Variants in C1orf159 observed in about 807,000 individuals in gnomAD.
C1orf159 encodes the protein uncharacterized protein C1orf159.
C1orf159 carries 19 observed loss-of-function variants against 25.6 expected under a neutral mutation model. The ratio of observed to expected loss-of-function variants is 0.74; its 90% CI spans 0.52 to 1.09. C1orf159 has a LOEUF of 1.09. Ranked by LOEUF, C1orf159 falls within the 50% of genes least tolerant of loss-of-function variation. The pLI is 0.00. For missense variants in C1orf159, 274 were observed against 290.6 expected (o/e 0.94, Z 0.42); for synonymous variants, 139 against 124.7 (o/e 1.12, Z -0.77).
At chr1:1,111,490 G>C (rs746754481) in intron 1 of C1orf159, among the ~76,000 whole-genome samples, 1 of 151,992 alleles carries the variant, frequency 6.6e-6, no homozygotes, top group African/African-American at 2.4e-5. Flanking sequence ...AGCCATGATC[G>C]CACCACTGCA....
intron 3 of C1orf159, chr1:1,091,027 G>A (rs1645922587): frequency 1.4e-6 from 2 of 1,455,396 alleles, no homozygotes; most frequent in Admixed American, 2.0e-5. Flanking sequence ...TGACTGCGGA[G>A]TGCGGGATAG....
rs992917886 is a variant in C1orf159 at position 1,105,740 on chromosome 1, G to A, written c.-136+10320C>T. On this transcript the variant is annotated intron_variant, in intron 1 of 9. Coordinates refer to ENST00000421241, the MANE Select transcript of C1orf159 (RefSeq NM_017891.5). ...ACTTAAAACACAAAAAAATTAGCTG[G>A]GCGGGCGCCTGTAGTCCCAGCTACT... 2.4e-4 allele frequency among the ~76,000 whole-genome samples: 22 copies of A among 91,116 alleles called. No homozygotes were observed. The South Asian group carries it at 6.8e-3, about 28-fold the overall frequency. 59.8% of individuals were successfully genotyped at this position (91,116 alleles called of 152,430 possible).
At chr1:1,103,213 G>T (rs1037916583) in intron 1 of C1orf159, among the ~76,000 whole-genome samples, 1 of 152,118 alleles carries the variant, frequency 6.6e-6, no homozygotes, top group Non-Finnish European at 1.5e-5. Flanking sequence ...TGAGATTTCC[G>T]GCACTTTGTT....
In C1orf159 at chr1:1,087,157, G is replaced by A; in HGVS notation, c.292C>T (p.Pro98Ser). The part of the protein sequence containing the change: ...PFPMNRSSGT[P>S]GRPHPGAPRV... ...GACTTACCAGGATGTGGCCGCCCGG[G>A]GGTCCCTGAGCTTCTGTTCATGGGG... The change falls in exon 6 of 10, where the codon CCC (proline) becomes TCC (serine). Residue 98 changes from proline (P) to serine (S), a missense_variant. Coordinates refer to ENST00000421241, the MANE Select transcript of C1orf159 (RefSeq NM_017891.5). The surrounding 1 kb of genome is among the most constrained non-coding windows in gnomAD (Gnocchi z 8.3). 1 of 1,610,238 alleles carries A rather than the reference G, an allele frequency of 6.2e-7. No homozygotes were observed. The highest frequency in any genetic ancestry group is 8.5e-7 in the Non-Finnish European group (1 of 1,179,604).
At chr1:1,090,625 T>G in intron 3 of C1orf159, 197 bp from the exon 4 acceptor site, 1 of 697,006 alleles carries the variant, frequency 1.4e-6, no homozygotes, top group Non-Finnish European at 2.5e-6. Flanking sequence ...ACAGTGCACA[T>G]CCCTGTGGGA....
intron 7 of C1orf159, 82 bp from the exon 8 acceptor site, chr1:1,084,588 AG>A: frequency 1.3e-6 from 2 of 1,520,100 alleles, no homozygotes; most frequent in Non-Finnish European, 8.9e-7. Flanking sequence ...GGGACAGCAG[AG>A]CGAGGAGCTG....
At position 1,082,543 on chromosome 1, in the gene C1orf159, G is replaced by A; in HGVS notation, c.*350C>T. The A allele has an allele frequency of 3.0e-6, 1 of 331,962 alleles. No individual in the cohort carries two copies. The highest frequency in any genetic ancestry group is 5.7e-6 in the Non-Finnish European group (1 of 175,190). 20.6% of individuals were successfully genotyped at this position (331,962 alleles called of 1,614,324 possible). Reference sequence around the variant, plus strand: ...GGCAGCAGAGCCCCTGGCTTTTCTAGGCAGAGCGGCACCTGCCCCATAGAT... The same window carrying A: ...GGCAGCAGAGCCCCTGGCTTTTCTAAGCAGAGCGGCACCTGCCCCATAGAT... On this transcript the variant is annotated 3_prime_UTR_variant, in exon 10 of 10. Transcript: ENST00000421241.
intron 4 of C1orf159, among the ~76,000 whole-genome samples, chr1:1,088,407 C>T (rs1317721133): frequency 1.5e-5 from 2 of 135,800 alleles, no homozygotes; most frequent in African/African-American, 5.6e-5. Context: ...TTCCCTCATG[C>T]CGCCCAAGCA....
intron 1 of C1orf159, among the ~76,000 whole-genome samples, chr1:1,104,441 C>G (rs909075524): frequency 6.6e-6 from 1 of 152,232 alleles, no homozygotes; most frequent in African/African-American, 2.4e-5. Flanking sequence ...CTCCAGAGCC[C>G]TCAGGGAGCT....
rs543079670 is a variant in C1orf159, at chr1:1,114,077, C to T, written c.-136+1983G>A. On this transcript the variant is annotated intron_variant, in intron 1 of 9. Transcript: ENST00000421241. ...GACCACAGGCGCCCGCCACCATGCC[C>T]GGCTAATTTTTGTATTTTTATCAGA... Among the ~76,000 whole-genome samples the T allele has an allele frequency of 1.1e-4, 17 of 152,160 alleles. No homozygotes were observed. The East Asian group carries it at 2.9e-3, about 26-fold the overall frequency.
At chr1:1,107,732 C>T (rs1335508973) in intron 1 of C1orf159, among the ~76,000 whole-genome samples, 1 of 152,222 alleles carries the variant, frequency 6.6e-6, no homozygotes, top group Non-Finnish European at 1.5e-5. Context: ...CCAGCAGCAG[C>T]AACCCACTCG....
At chr1:1,097,949 C>T (rs1024723325) in intron 1 of C1orf159, among the ~76,000 whole-genome samples, 1 of 152,122 alleles carries the variant, frequency 6.6e-6, no homozygotes, top group African/African-American at 2.4e-5. Flanking sequence ...TGCCTTTACA[C>T]GCACTTAGTT....
rs764850847 is a variant in C1orf159 at position 1,082,862 on chromosome 1, C to T, written c.*31G>A. 6.4e-7 allele frequency: 1 copy of T among 1,552,046 alleles called. No homozygotes were observed. Among genetic ancestry groups the T allele is most frequent in the African/African-American group, 1.4e-5 (1 of 73,384 alleles). On this transcript the variant is annotated 3_prime_UTR_variant, in exon 10 of 10. Coordinates refer to ENST00000421241, the MANE Select transcript of C1orf159 (RefSeq NM_017891.5). ...GGGGTCGGCCTCCGGGTCCCTGCCGCCAAGTGCGTGGCGTGGTCTCGGCCT... is the reference window on the plus strand; with the variant it reads ...GGGGTCGGCCTCCGGGTCCCTGCCGTCAAGTGCGTGGCGTGGTCTCGGCCT...
rs936893408 is a variant in C1orf159 at position 1,089,168 on chromosome 1, C to T, written c.148+1185G>A. On this transcript the variant is annotated intron_variant, in intron 4 of 9. Transcript: ENST00000421241. This position sits in a 1 kb window ranked among gnomAD's most constrained non-coding sequence, Gnocchi z 7.5. ...ACCGCAGGCCCGGCCCCTCCCCACG[C>T]GCGCCAGACGGTCCCCACCCTGCGC... 9.9e-5 allele frequency among the ~76,000 whole-genome samples: 15 copies of T among 152,278 alleles called. No homozygotes were observed. The East Asian group carries it at 2.5e-3, about 25-fold the overall frequency.
At chr1:1,115,163 A>C (rs1276997589) in intron 1 of C1orf159, 1 of 144,682 alleles carries the variant, frequency 6.9e-6, no homozygotes, top group East Asian at 1.9e-4. Flanking sequence ...CAGCCACAAA[A>C]TAGTTCCCGG....
At chr1:1,115,555 C>A (rs1312794160) in intron 1 of C1orf159, among the ~76,000 whole-genome samples, 18 of 109,448 alleles carry the variant, frequency 1.6e-4, no homozygotes, top group Non-Finnish European at 5.9e-5. Context: ...CCCCAGAGAC[C>A]CCCTCCCCTC....
At chr1:1,109,487 G>A (rs139228601) in intron 1 of C1orf159, among the ~76,000 whole-genome samples, 2 of 151,380 alleles carry the variant, frequency 1.3e-5, no homozygotes, top group East Asian at 3.9e-4. Context: ...CTTTCTTTTA[G>A]AGATGGGTTT....
Position 1,082,959 on chromosome 1 carries a change from C to A in C1orf159, c.531G>T (p.Glu177Asp). 1 of 1,602,524 alleles carries A rather than the reference C, an allele frequency of 6.2e-7. No individual in the cohort carries two copies. ...SVRKPRYVRR[E>D]RPLDRATDPA... ...GATCCGTGGCCCTGTCCAGGGGCCG[C>A]TCCCGCCTGACGTAGCGCGGCTTCC... is the stretch of plus-strand genomic sequence containing the variant. The change falls in exon 10 of 10, where the codon GAG becomes GAT. Residue 177 changes from glutamate to aspartate, a missense_variant. By Grantham distance (45) the Glu-to-Asp change is conservative. Transcript: ENST00000421241.
In C1orf159 at chr1:1,091,993, G is replaced by A. The variant is rs749117656; in HGVS notation, c.-25C>T. 1.1e-5 allele frequency: 5 copies of A among 458,072 alleles called. No individual in the cohort carries two copies. Among genetic ancestry groups the A allele is most frequent in the African/African-American group, 4.0e-5 (2 of 50,156 alleles). 28.4% of individuals were successfully genotyped at this position (458,072 alleles called of 1,614,324 possible). ...GCGAGGTGTAGGCAGGGCCTTACCT[G>A]CCCCTCCAGGATGGGGACTACCGAC... On this transcript the variant is annotated splice_region_variant and 5_prime_UTR_variant, in exon 2 of 10. An upstream open reading frame in the 5' UTR gains an earlier in-frame stop. Coordinates refer to ENST00000421241, the MANE Select transcript of C1orf159 (RefSeq NM_017891.5).
Sources: gnomAD v4.1 joint callset for allele counts (sites outside exome capture counted in the v4.1 genomes callset) on GRCh38, gnomAD v4.1.1 for gene constraint, Gnocchi (gnomAD v3.1) non-coding constraint, MANE v1.5 for transcripts, NCBI Gene and HGNC (gene_info 2026-07-23, HGNC 2026-07-21) for gene names.